The following HEATR5B variants were observed in gnomAD, a reference collection of about 807,000 sequenced individuals.
HEATR5B encodes the protein HEAT repeat containing 5B, also known as HEAT repeat-containing protein 5B.
HEATR5B carries 156 observed loss-of-function variants against 224.1 expected under a neutral mutation model. That is an observed-to-expected ratio of 0.70 (90% CI 0.61 to 0.80). The LOEUF is 0.80. Among genes scored for constraint, HEATR5B ranks in the 30% least tolerant of loss-of-function variants. The pLI is 0.00. For missense variants in HEATR5B, 2,323 were observed against 2,535.5 expected, an observed-to-expected ratio of 0.92 and a Z score of 1.80; for synonymous variants, 1,027 against 893.0, an observed-to-expected ratio of 1.15 and a Z score of -2.68.
In HEATR5B at chr2:36,988,827, T is replaced by C. The variant is rs1169335947; in HGVS notation, c.5730A>G (p.Ser1910=). Residue 1910 remains serine, a synonymous_variant, in exon 35 of 36, where the codon TCA becomes TCG. Coordinates refer to ENST00000233099, the MANE Select transcript of HEATR5B (RefSeq NM_019024.3). ...GGGCACGATTGGAATGCTGGAAGAC[T>C]GAGAGGAGAAGCTGGTAACATTTGG... ...VQAKCYQLLL[S]VFQHSNRALS... 3 of 1,613,970 alleles carry C rather than the reference T, an allele frequency of 1.9e-6. No individual in the cohort carries two copies. Among genetic ancestry groups the C allele is most frequent in the African/African-American group, 2.7e-5 (2 of 74,926 alleles).
At chr2:36,989,597 A>T (rs1220896522) in intron 34 of HEATR5B, among the ~76,000 whole-genome samples, 1 of 152,178 alleles carries the variant, frequency 6.6e-6, no homozygotes, top group Non-Finnish European at 1.5e-5. Flanking sequence ...GACTGTTAAC[A>T]ATGTAAGGTT....
intron 34 of HEATR5B, 21 bp downstream of exon 34, chr2:36,990,627 T>C: frequency 1.3e-6 from 2 of 1,523,782 alleles, no homozygotes; most frequent in East Asian, 2.3e-5. Context: ...TTTATCTATG[T>C]CTGTGTAACG....
rs763214850 is a variant in HEATR5B at position 36,981,547 on chromosome 2, T to C, written c.6159A>G (p.Gln2053=). The C allele has an allele frequency of 3.5e-5, 56 of 1,613,980 alleles. No individual in the cohort carries two copies. The highest frequency in any genetic ancestry group is 4.5e-5 in the Non-Finnish European group (53 of 1,179,994). ...GTGCAGAATGTATGGCGGGGGCTGG[T>C]TGTCTGGCAGCCGCTTTAGCTTTGC... ...QASKAKAAAR[Q]PAPAIHSAPT... is the part of the protein sequence containing the mutation. Residue 2053 remains glutamine, a synonymous_variant, in exon 36 of 36, where the codon CAA becomes CAG. Coordinates refer to ENST00000233099, the MANE Select transcript of HEATR5B (RefSeq NM_019024.3).
At position 37,007,261 on chromosome 2, in the gene HEATR5B, A is replaced by G; in HGVS notation, c.4566T>C (p.Leu1522=). The change falls in exon 29 of 36, where the codon CTT becomes CTC. Residue 1522 remains leucine, a synonymous_variant. Transcript: ENST00000233099. ...YTPETIDTAR[L]HYRNSWAPIL... ...TTGGGGCCCAGGAATTCCGATAGTG[A>G]AGTCTAGCTGTATCAATAGTTTCAG... 26 of 1,613,966 alleles carry G rather than the reference A, an allele frequency of 1.6e-5. No individual in the cohort carries two copies. Among genetic ancestry groups the G allele is most frequent in the Non-Finnish European group, 2.1e-5 (25 of 1,179,982 alleles).
intron 33 of HEATR5B, among the ~76,000 whole-genome samples, chr2:36,994,057 G>A (rs1666522811): frequency 6.6e-6 from 1 of 152,146 alleles, no homozygotes; most frequent in South Asian, 2.1e-4. Flanking sequence ...GGAAGGGAAT[G>A]TCCTTGTTCT....
chr2:37,064,279 GTTT>G (rs1168347754), intron 10 of HEATR5B, among the ~76,000 whole-genome samples: 14 of 127,134 alleles, frequency 1.1e-4, no homozygotes, highest in Non-Finnish European at 1.5e-4. Flanking sequence ...CTAAGGTTGG[GTTT>G]TTTTTTTTTT....
intron 27 of HEATR5B, among the ~76,000 whole-genome samples, chr2:37,009,458 C>T (rs1667651655): frequency 6.6e-6 from 1 of 151,564 alleles, no homozygotes; most frequent in African/African-American, 2.4e-5. Context: ...ATGCCTGTAG[C>T]CCCAGCTACT....
Position 37,005,692 on chromosome 2 carries a change from C to G in HEATR5B, c.4845G>C (p.Leu1615=), listed in dbSNP as rs750340443. Residue 1615 remains leucine (L), a synonymous_variant, in exon 30 of 36, where the codon CTG becomes CTC. Coordinates refer to ENST00000233099, the MANE Select transcript of HEATR5B (RefSeq NM_019024.3). ...EEPIEHVTAC[L]QALHTLLDSP... is the part of the protein sequence containing the mutation. ...AGTCTAGCAAGGTATGTAAGGCCTG[C>G]AGGCATGCTGTAACATGTTCAATGG... 1 of 1,612,178 alleles carries G rather than the reference C, an allele frequency of 6.2e-7. No homozygotes were observed. The highest frequency in any genetic ancestry group is 8.5e-7 in the Non-Finnish European group (1 of 1,178,444).
At chr2:37,007,524 T>C (rs755768072) in intron 28 of HEATR5B, among the ~76,000 whole-genome samples, 4 of 151,966 alleles carry the variant, frequency 2.6e-5, no homozygotes, top group Non-Finnish European at 5.9e-5. Context: ...TTTGTATTTT[T>C]AGTAGAAATG....
chr2:37,008,555 T>G (rs1667576206), intron 28 of HEATR5B, 56 bp downstream of exon 28: 4 of 1,193,060 alleles, frequency 3.4e-6, no homozygotes, highest in African/African-American at 1.5e-5. Context: ...CGTCTCTATT[T>G]TGTTTAACTA....
intron 14 of HEATR5B, 55 bp downstream of exon 14, chr2:37,058,396 C>A: frequency 1.0e-6 from 1 of 979,880 alleles, no homozygotes; most frequent in Non-Finnish European, 1.6e-6. Context: ...CTCTATAATA[C>A]GGTGAAGAAT....
intron 33 of HEATR5B, 58 bp from the exon 34 acceptor site, chr2:36,990,857 T>C: frequency 7.0e-7 from 1 of 1,432,536 alleles, no homozygotes; most frequent in African/African-American, 1.4e-5. Context: ...CATTTTATTT[T>C]TTTATTTTTG....
chr2:37,022,585 A>G (rs1415750958), intron 24 of HEATR5B, among the ~76,000 whole-genome samples: 1 of 152,210 alleles, frequency 6.6e-6, no homozygotes, highest in Non-Finnish European at 1.5e-5. Context: ...ATAAAACTTT[A>G]TTTACAAAAA....
At chr2:37,011,092 C>A (rs1667757650) in intron 27 of HEATR5B, among the ~76,000 whole-genome samples, 1 of 152,172 alleles carries the variant, frequency 6.6e-6, no homozygotes, top group Non-Finnish European at 1.5e-5. Context: ...CTACCCAGTG[C>A]ACAGACAGTG....
chr2:37,063,441 G>T (rs1475152129), intron 10 of HEATR5B, among the ~76,000 whole-genome samples: 1 of 152,192 alleles, frequency 6.6e-6, no homozygotes, highest in African/African-American at 2.4e-5. Context: ...ACCAGACAAA[G>T]GAGATTATAT....
intron 18 of HEATR5B, among the ~76,000 whole-genome samples, chr2:37,048,188 GT>G (rs1392336835): frequency 7.2e-4 from 100 of 139,104 alleles, no homozygotes; most frequent in East Asian, 6.1e-4. Flanking sequence ...AGGACACATT[GT>G]TTTTTTTTTT....
At chr2:37,042,332 G>A (rs1204549599) in intron 18 of HEATR5B, among the ~76,000 whole-genome samples, 1 of 152,062 alleles carries the variant, frequency 6.6e-6, no homozygotes, top group East Asian at 1.9e-4. Context: ...AACATTTTGG[G>A]GTACCAAAAT....
intron 22 of HEATR5B, among the ~76,000 whole-genome samples, chr2:37,030,848 G>T (rs1004480232): frequency 6.6e-6 from 1 of 152,226 alleles, no homozygotes; most frequent in Non-Finnish European, 1.5e-5. Context: ...ACCTTAGTAA[G>T]ACTTAATTGC....
At chr2:37,023,207 T>C (rs1187970625) in intron 24 of HEATR5B, among the ~76,000 whole-genome samples, 6 of 152,264 alleles carry the variant, frequency 3.9e-5, no homozygotes, top group East Asian at 1.9e-4. Flanking sequence ...AGAGATTAAA[T>C]ACTAAAGATC....
Sources: allele counts gnomAD v4.1 joint callset (sites outside exome capture counted in the v4.1 genomes callset), GRCh38; gene constraint gnomAD v4.1.1; transcripts MANE v1.5; gene names NCBI Gene and HGNC (gene_info 2026-07-23, HGNC 2026-07-21).